Variants in POU2F1 observed in about 807,000 individuals in gnomAD.
POU2F1 encodes POU class 2 homeobox 1.
In POU2F1, 16 loss-of-function variants were observed where a neutral mutation model predicts 84.9. The ratio of observed to expected loss-of-function variants is 0.19; its 90% CI spans 0.13 to 0.29. POU2F1 has a LOEUF of 0.29. Ranked by LOEUF, POU2F1 falls within the 10% of genes least tolerant of loss-of-function variation. The probability of loss-of-function intolerance (pLI) is 1.00; values close to 1 mark genes in which losing one functional copy is unlikely to be tolerated. For synonymous variants in POU2F1, 368 were observed against 368.3 expected, an observed-to-expected ratio of 1.00 and a Z score of 0.01; for missense variants, 738 against 942.6, an observed-to-expected ratio of 0.78 and a Z score of 2.84.
intron 2 of POU2F1, among the ~76,000 whole-genome samples, chr1:167,339,131 A>T (rs1657668983): frequency 6.6e-6 from 1 of 152,068 alleles, no homozygotes; most frequent in Non-Finnish European, 1.5e-5. Flanking sequence ...TCAAAGCCAG[A>T]TGTATAGCAT....
intron 1 of POU2F1, among the ~76,000 whole-genome samples, chr1:167,307,039 A>G (rs1218033190): frequency 1.3e-5 from 2 of 152,336 alleles, no homozygotes; most frequent in African/African-American, 4.8e-5. Flanking sequence ...GAACATGACA[A>G]TATATTTATA....
intron 1 of POU2F1, among the ~76,000 whole-genome samples, chr1:167,232,001 C>G (rs928022741): frequency 6.6e-6 from 1 of 152,160 alleles, no homozygotes; most frequent in Non-Finnish European, 1.5e-5. Context: ...TGCCCTCCTC[C>G]CCCAACACAC....
chr1:167,271,776 A>G (rs1652383905), intron 1 of POU2F1, among the ~76,000 whole-genome samples: 1 of 152,206 alleles, frequency 6.6e-6, no homozygotes, highest in South Asian at 2.1e-4. Flanking sequence ...TTCCACAAAC[A>G]TTGGAAATAA....
At chr1:167,399,458 T>C (rs1292702001) in intron 12 of POU2F1, 93 bp downstream of exon 12, 1 of 1,102,440 alleles carries the variant, frequency 9.1e-7, no homozygotes, top group African/African-American at 1.6e-5. Context: ...TAATAGTAAT[T>C]TAATGAATAA....
chr1:167,221,065 T>A (rs944223656), intron 1 of POU2F1, 107 bp downstream of exon 1: 1 of 1,015,392 alleles, frequency 9.8e-7, no homozygotes, highest in African/African-American at 1.6e-5. Flanking sequence ...TTATTATAAT[T>A]AACGGCGGGG....
intron 1 of POU2F1, among the ~76,000 whole-genome samples, chr1:167,265,592 T>C (rs1422625071): frequency 2.0e-5 from 3 of 152,228 alleles, no homozygotes; most frequent in South Asian, 2.1e-4. Context: ...ATCAAACTTA[T>C]GAGACAGTGC....
At chr1:167,371,863 A>G in intron 4 of POU2F1, 54 bp from the exon 5 acceptor site, 2 of 1,605,522 alleles carry the variant, frequency 1.2e-6, no homozygotes, top group Admixed American at 1.7e-5. Flanking sequence ...TTTTAAGTAC[A>G]TTTCTTTTAA....
At chr1:167,332,596 C>A in intron 2 of POU2F1, 61 bp downstream of exon 2, 1 of 1,363,030 alleles carries the variant, frequency 7.3e-7, no homozygotes, top group Non-Finnish European at 1.0e-6. Flanking sequence ...AAGAAAGTTT[C>A]CATGTAACTA....
intron 1 of POU2F1, among the ~76,000 whole-genome samples, chr1:167,253,549 C>G (rs997737171): frequency 2.0e-5 from 3 of 152,028 alleles, no homozygotes; most frequent in Admixed American, 2.0e-4. Context: ...CCTCAGCCTC[C>G]TGAATAGCTG....
At chr1:167,354,312 G>A (rs1658791686) in intron 2 of POU2F1, among the ~76,000 whole-genome samples, 2 of 151,278 alleles carry the variant, frequency 1.3e-5, no homozygotes, top group Admixed American at 1.3e-4. Context: ...TTTATTTTTT[G>A]ACAGAGTCTC....
Position 167,245,202 on chromosome 1 carries a change from G to C in POU2F1, c.61+24244G>C, listed in dbSNP as rs185398382. 2.3e-3 allele frequency among the ~76,000 whole-genome samples: 355 copies of C among 151,756 alleles called. 2 individuals carry two copies. The highest frequency in any genetic ancestry group is 3.0e-3 in the Non-Finnish European group (202 of 67,928). On this transcript the variant is annotated intron_variant, in intron 1 of 15. Coordinates refer to ENST00000367866, the MANE Select transcript of POU2F1 (RefSeq NM_002697.4). ...AATTTTGAGTAACAATTTTTAGAAT[G>C]GTTGTTAAAATGGCTAAAAGCTATT...
intron 1 of POU2F1, among the ~76,000 whole-genome samples, chr1:167,307,442 G>A (rs114203073): frequency 1.7e-3 from 256 of 148,656 alleles, no homozygotes; most frequent in African/African-American, 6.1e-3. Flanking sequence ...CTGAGTGTTG[G>A]AGAGGTCAAA....
At chr1:167,399,835 G>A (rs956199761) in intron 12 of POU2F1, among the ~76,000 whole-genome samples, 19 of 149,420 alleles carry the variant, frequency 1.3e-4, no homozygotes, top group Middle Eastern at 3.7e-3. Flanking sequence ...CACCATTCCC[G>A]GCTAATTTTT....
intron 1 of POU2F1, among the ~76,000 whole-genome samples, chr1:167,222,976 A>G (rs1462077318): frequency 6.6e-6 from 1 of 151,624 alleles, no homozygotes; most frequent in Admixed American, 6.6e-5. Context: ...TTCCTCTAGG[A>G]GTTGTGGAGT....
chr1:167,247,391 G>A (rs568608079), intron 1 of POU2F1, among the ~76,000 whole-genome samples: 22 of 152,066 alleles, frequency 1.4e-4, no homozygotes, highest in African/African-American at 4.6e-4. Context: ...TTATATCTCC[G>A]AATTTTAAAA....
chr1:167,252,616 T>A (rs1200117870), intron 1 of POU2F1, among the ~76,000 whole-genome samples: 1 of 152,246 alleles, frequency 6.6e-6, no homozygotes, highest in Non-Finnish European at 1.5e-5. Context: ...ATCTATATTC[T>A]GAATAATTAT....
At position 167,379,171 on chromosome 1, in the gene POU2F1, G is replaced by A. The variant is rs187424902; in HGVS notation, c.718+3016G>A. 231 of 152,556 alleles carry A rather than the reference G, an allele frequency of 1.5e-3. 1 individual carries two copies. The highest frequency in any genetic ancestry group is 0.013 in the South Asian group (63 of 4,832). The allele number at this position is 152,556 out of a possible 1,614,324, so 9.5% of individuals were successfully genotyped here. A position where few individuals can be genotyped will look rare whatever the true frequency, so the allele number is the denominator to read the frequency against. On this transcript the variant is annotated intron_variant, in intron 7 of 15. Coordinates refer to ENST00000367866, the MANE Select transcript of POU2F1 (RefSeq NM_002697.4). Reference sequence around the variant, plus strand: ...TGGTCTTGAACTCCTGGGTTCAAGCGATCCTCTTGCATCAGCCTCCCAAAG... The same window carrying A: ...TGGTCTTGAACTCCTGGGTTCAAGCAATCCTCTTGCATCAGCCTCCCAAAG...
chr1:167,291,023 T>C (rs941345859), intron 1 of POU2F1, among the ~76,000 whole-genome samples: 6 of 145,072 alleles, frequency 4.1e-5, no homozygotes, highest in African/African-American at 1.5e-4. Flanking sequence ...CCGGCCTGGG[T>C]TAAAGAGTGA....
chr1:167,408,129 T>G (rs549690977), intron 13 of POU2F1, among the ~76,000 whole-genome samples: 1 of 152,172 alleles, frequency 6.6e-6, no homozygotes, highest in South Asian at 2.1e-4. Flanking sequence ...CATGGAGAGA[T>G]ATGTGACATT....
Sources: allele counts gnomAD v4.1 joint callset (sites outside exome capture counted in the v4.1 genomes callset), GRCh38; gene constraint gnomAD v4.1.1; transcripts MANE v1.5; gene names NCBI Gene and HGNC (gene_info 2026-07-23, HGNC 2026-07-21).